PTGER3: variants seen among roughly 807,000 people sequenced by gnomAD.
PTGER3 encodes prostaglandin E receptor 3.
A neutral mutation model predicts 34.7 loss-of-function variants in PTGER3; 22 were observed. The ratio of observed to expected loss-of-function variants is 0.63; its 90% CI spans 0.45 to 0.91. PTGER3 has a LOEUF of 0.91. Ranked by LOEUF, PTGER3 falls within the 40% of genes least tolerant of loss-of-function variation. The pLI, the probability that PTGER3 is intolerant of heterozygous loss-of-function variation, is 0.00. For synonymous variants in PTGER3, 241 were observed against 230.1 expected (o/e 1.05, Z -0.43); for missense variants, 468 against 519.4 (o/e 0.90, Z 0.96).
chr1:70,978,452 AAATT>A (rs1653920848), intron 2 of PTGER3, among the ~76,000 whole-genome samples: 1 of 152,156 alleles, frequency 6.6e-6, no homozygotes. Context: ...GCAAAACAAA[AAATT>A]AATAAGGTAA....
At chr1:70,892,837 C>CAAAAAAAAAAAAAAA (rs1176220550) in intron 4 of PTGER3, among the ~76,000 whole-genome samples, 4 of 47,904 alleles carry the variant, frequency 8.4e-5, no homozygotes, top group Non-Finnish European at 1.1e-4. Flanking sequence ...CAAGACTCCT[C>CAAAAAAAAAAAAAAA]AAAAAAAAAA....
intron 2 of PTGER3, chr1:71,011,220 G>C: frequency 1.0e-6 from 1 of 985,294 alleles, no homozygotes; most frequent in East Asian, 1.1e-4. Flanking sequence ...TATTTAGATA[G>C]AGCCACTTTG....
chr1:71,042,019 A>G (rs907168922), intron 1 of PTGER3, among the ~76,000 whole-genome samples: 22 of 152,112 alleles, frequency 1.4e-4, no homozygotes, highest in Admixed American at 1.1e-3. Context: ...GGAAACTTTT[A>G]TAATTTAGTT....
intron 2 of PTGER3, among the ~76,000 whole-genome samples, chr1:70,994,046 C>A (rs1655704115): frequency 6.6e-6 from 1 of 152,156 alleles, no homozygotes; most frequent in African/African-American, 2.4e-5. Flanking sequence ...TTAGACCCTG[C>A]GGCCAAAGGC....
chr1:70,966,122 T>C (rs886679900), downstream of PTGER3, among the ~76,000 whole-genome samples: 3 of 152,234 alleles, frequency 2.0e-5, no homozygotes, highest in African/African-American at 7.2e-5. Flanking sequence ...CTCAAAGAAG[T>C]AATACAATTT....
intron 4 of PTGER3, among the ~76,000 whole-genome samples, chr1:70,904,059 T>C (rs549916433): frequency 6.6e-6 from 1 of 151,510 alleles, no homozygotes; most frequent in Admixed American, 6.6e-5. Context: ...ATTGTTCCTG[T>C]GATAGTGAAT....
chr1:70,965,493 A>C (rs17090697), intron 2 of PTGER3, among the ~76,000 whole-genome samples: 1 of 152,330 alleles, frequency 6.6e-6, no homozygotes, highest in East Asian at 1.9e-4. Flanking sequence ...GATTAGATAC[A>C]TAGAAAGGAG....
At chr1:70,871,045 G>A (rs979059364) in intron 4 of PTGER3, among the ~76,000 whole-genome samples, 1 of 152,032 alleles carries the variant, frequency 6.6e-6, no homozygotes, top group African/African-American at 2.4e-5. Flanking sequence ...TCAATTTTCT[G>A]TATTAGGCCA....
At chr1:70,899,434 T>C (rs1187557641) in intron 4 of PTGER3, among the ~76,000 whole-genome samples, 2 of 152,078 alleles carry the variant, frequency 1.3e-5, no homozygotes, top group Admixed American at 6.6e-5. Context: ...TTGATCAGCC[T>C]TAGAAGAGGA....
At chr1:70,877,319 G>C (rs776629686) in intron 4 of PTGER3, among the ~76,000 whole-genome samples, 1 of 152,120 alleles carries the variant, frequency 6.6e-6, no homozygotes, top group Non-Finnish European at 1.5e-5. Context: ...CTGAAACTTT[G>C]CTGAAGTTTT....
In PTGER3 at chr1:70,952,993, AGGTTTGT is replaced by A; in HGVS notation, c.1164_1170del (p.Gln389IlefsTer4). ...ATTTCTTCTCTGTTCAGCACACGAT[AGGTTTGT>A]ACTTGCCCACAATGTGCAGTTGCCC... On this transcript the variant is annotated frameshift_variant, in exon 4 of 4. Transcript: ENST00000356595. LOFTEE classifies it low-confidence loss of function (END_TRUNC). The A allele has an allele frequency of 1.9e-6, 3 of 1,612,622 alleles. No individual in the cohort carries two copies. In the South Asian group the frequency reaches 3.3e-5, roughly 18 times the overall value.
downstream of PTGER3, among the ~76,000 whole-genome samples, chr1:70,949,514 A>G (rs1344426587): frequency 6.6e-6 from 1 of 152,168 alleles, no homozygotes; most frequent in Admixed American, 6.6e-5. Flanking sequence ...AGGGAAAGAG[A>G]AATAATGAAG....
intron 1 of PTGER3, among the ~76,000 whole-genome samples, chr1:71,029,045 A>G (rs965796449): frequency 6.6e-6 from 1 of 152,226 alleles, no homozygotes. Flanking sequence ...GTAAAATAAA[A>G]TAAAACAAAA....
At chr1:70,852,924 A>T in intron 4 of PTGER3, 2 of 1,514,756 alleles carry the variant, frequency 1.3e-6, no homozygotes, top group Non-Finnish European at 1.8e-6. Context: ...CTTAAATAAA[A>T]ATCAAAGGCA....
chr1:71,036,690 C>G (rs1275526018), intron 1 of PTGER3, among the ~76,000 whole-genome samples: 1 of 151,788 alleles, frequency 6.6e-6, no homozygotes, highest in Non-Finnish European at 1.5e-5. Context: ...AATACAAAAA[C>G]TAGCCGGGTG....
chr1:70,911,252 C>T (rs1051064861), intron 4 of PTGER3, among the ~76,000 whole-genome samples: 5 of 150,880 alleles, frequency 3.3e-5, no homozygotes, highest in Non-Finnish European at 7.4e-5. Flanking sequence ...ATTGGAGACC[C>T]TTTTCTTCAT....
At chr1:70,928,674 C>A (rs182958794) in intron 4 of PTGER3, among the ~76,000 whole-genome samples, 105 of 152,090 alleles carry the variant, frequency 6.9e-4, no homozygotes, top group Non-Finnish European at 1.1e-3. Context: ...GCGCAAGAGA[C>A]TTTCTATTCT....
At chr1:70,997,723 G>A (rs1656115074) in intron 2 of PTGER3, among the ~76,000 whole-genome samples, 1 of 152,156 alleles carries the variant, frequency 6.6e-6, no homozygotes, top group Admixed American at 6.5e-5. Context: ...TGCATTTAGT[G>A]ACACATAAAG....
chr1:70,930,817 T>C (rs1572681416), intron 4 of PTGER3, among the ~76,000 whole-genome samples: 1 of 152,048 alleles, frequency 6.6e-6, no homozygotes, highest in Admixed American at 6.5e-5. Flanking sequence ...AAAGATGAGA[T>C]TTGGGTGGGG....
Sources: allele counts gnomAD v4.1 joint callset (sites outside exome capture counted in the v4.1 genomes callset), GRCh38; gene constraint gnomAD v4.1.1; transcripts MANE v1.5; gene names NCBI Gene and HGNC (gene_info 2026-07-23, HGNC 2026-07-21).